CACNA1E: variants seen among roughly 807,000 people sequenced by gnomAD.
CACNA1E encodes the protein voltage-dependent R-type calcium channel subunit alpha-1E.
Under a neutral mutation model 259.2 loss-of-function variants are expected in CACNA1E, and 40 were observed. That is an observed-to-expected ratio of 0.15 (90% CI 0.12 to 0.20). The LOEUF is 0.20. Ranked by LOEUF, CACNA1E falls within the 10% of genes least tolerant of loss-of-function variation. The pLI, the probability that CACNA1E is intolerant of heterozygous loss-of-function variation, is 1.00. For missense variants in CACNA1E, 1,874 were observed against 3,040.1 expected, an observed-to-expected ratio of 0.62 and a Z score of 9.02; for synonymous variants, 1,104 against 1,138.5, an observed-to-expected ratio of 0.97 and a Z score of 0.61.
At position 181,802,383 on chromosome 1, in the gene CACNA1E, C is replaced by T. The variant is rs1662339104; in HGVS notation, c.*3549C>T. 1 of 152,190 alleles carries T rather than the reference C, an allele frequency of 6.6e-6. No individual in the cohort carries two copies. The highest frequency in any genetic ancestry group is 6.5e-5 in the Admixed American group (1 of 15,278). 9.4% of individuals were successfully genotyped at this position (152,190 alleles called of 1,614,324 possible). ...GACTCTGGGGCCACAAAGAGAAGGC[C>T]CCATAATCCACCTCTCAGCCAGTAT... On this transcript the variant is annotated 3_prime_UTR_variant, in exon 48 of 48. Transcript: ENST00000367573.
Position 181,781,512 on chromosome 1 carries a change from G to A in CACNA1E, c.5353G>A (p.Val1785Met). The A allele has an allele frequency of 6.4e-7, 1 of 1,560,060 alleles. No homozygotes were observed. The change falls in exon 39 of 48, where the codon GTG (valine) becomes ATG (methionine). Residue 1785 changes from valine to methionine, a missense_variant. Physicochemically the swap from Val to Met is conservative, Grantham distance 21. Coordinates refer to ENST00000367573, the MANE Select transcript of CACNA1E (RefSeq NM_001205293.3). The stretch of plus-strand genomic sequence containing the variant: ...CCTCGGCAAGAGATGTCCCTCCAAA[G>A]TGGCATATAAGGTAGACCACCCCTT... Reference protein sequence around the residue: ...LGLGKRCPSKVAYKRLVLMNM... With the variant: ...LGLGKRCPSKMAYKRLVLMNM...
chr1:181,799,505 G>GAGAC lies in CACNA1E; in HGVS notation c.*675_*678dup, dbSNP rs1225780910. ...TAGCCCGGCAGCCCCTACCATGAGG[G>GAGAC]AGACAGAGAAACAGAACTGGTGGTG... On this transcript the variant is annotated 3_prime_UTR_variant, in exon 48 of 48. Transcript: ENST00000367573. 1 of 152,838 alleles carries GAGAC rather than the reference G, an allele frequency of 6.5e-6. No individual in the cohort carries two copies. Among genetic ancestry groups the GAGAC allele is most frequent in the African/African-American group, 2.4e-5 (1 of 41,460 alleles). 9.5% of individuals were successfully genotyped at this position (152,838 alleles called of 1,614,324 possible).
chr1:181,805,726 A>G lies in CACNA1E; in HGVS notation c.*6892A>G, dbSNP rs1347746986. 1 of 152,202 alleles carries G rather than the reference A, an allele frequency of 6.6e-6. No homozygotes were observed. The highest frequency in any genetic ancestry group is 1.5e-5 in the Non-Finnish European group (1 of 68,038). The allele number at this position is 152,202 out of a possible 1,614,324, so 9.4% of individuals were successfully genotyped here. A position where few individuals can be genotyped will look rare whatever the true frequency, so the allele number is the denominator to read the frequency against. On this transcript the variant is annotated 3_prime_UTR_variant, in exon 48 of 48. Transcript: ENST00000367573. ...TTGCAGAGGAACTTGCCTCTTCGTG[A>G]TATTAGAGGGCAGTCCAACTCCGCT...
intron 6 of CACNA1E, among the ~76,000 whole-genome samples, chr1:181,613,371 G>A (rs1197461572): frequency 6.6e-6 from 1 of 152,082 alleles, no homozygotes; most frequent in Non-Finnish European, 1.5e-5. Context: ...TACTGATAAC[G>A]TAAGCTGTCC....
At position 181,711,936 on chromosome 1, in the gene CACNA1E, G is replaced by A. The variant is rs530153084; in HGVS notation, c.1171+867G>A. On this transcript the variant is annotated intron_variant, in intron 8 of 47. Coordinates refer to ENST00000367573, the MANE Select transcript of CACNA1E (RefSeq NM_001205293.3). Reference sequence around the variant, plus strand: ...GGAGGGTTTTGAGCAGAGGACTGACGTGCTGGCCGCATTGAGAATAGACCA... The same window carrying A: ...GGAGGGTTTTGAGCAGAGGACTGACATGCTGGCCGCATTGAGAATAGACCA... 3.9e-5 allele frequency among the ~76,000 whole-genome samples: 6 copies of A among 152,268 alleles called. No homozygotes were observed. In the South Asian group the frequency reaches 1.0e-3, roughly 26 times the overall value.
At chr1:181,347,845 T>C (rs1652725437) in intron 1 of CACNA1E, among the ~76,000 whole-genome samples, 1 of 152,242 alleles carries the variant, frequency 6.6e-6, no homozygotes. Flanking sequence ...TGAGAAGTGC[T>C]CTAAGACAGT....
At chr1:181,700,040 A>G (rs531713565) in intron 7 of CACNA1E, among the ~76,000 whole-genome samples, 9 of 152,270 alleles carry the variant, frequency 5.9e-5, no homozygotes, top group Admixed American at 2.6e-4. Flanking sequence ...TGATGTTGGA[A>G]GTCTCCATGG....
chr1:181,755,163 G>GCC, intron 27 of CACNA1E, 74 bp from the exon 28 acceptor site: 2 of 1,261,464 alleles, frequency 1.6e-6, no homozygotes, highest in Non-Finnish European at 1.1e-6. Flanking sequence ...TGGTGGTATG[G>GCC]CCCAGCTCGG....
chr1:181,700,402 G>C (rs1473598057), intron 7 of CACNA1E, among the ~76,000 whole-genome samples: 2 of 152,118 alleles, frequency 1.3e-5, no homozygotes, highest in Non-Finnish European at 2.9e-5. Context: ...TTCTTGTCTG[G>C]TGGCTGCCCG....
intron 2 of CACNA1E, among the ~76,000 whole-genome samples, chr1:181,416,215 G>T (rs1436154876): frequency 6.6e-6 from 1 of 152,224 alleles, no homozygotes; most frequent in East Asian, 1.9e-4. Context: ...AGGCTGTGGT[G>T]TCAGCAGGCT....
chr1:181,360,497 G>A (rs1195352479), intron 1 of CACNA1E, among the ~76,000 whole-genome samples: 1 of 152,140 alleles, frequency 6.6e-6, no homozygotes, highest in Non-Finnish European at 1.5e-5. Context: ...CAGACATAAT[G>A]GCCATATACT....
Position 181,792,964 on chromosome 1 carries a change from C to CTAATTTTTATATTGATTA in CACNA1E, c.5899-700_5899-683dup, listed in dbSNP as rs551253676. Among the ~76,000 whole-genome samples, 212 of 152,312 alleles carry CTAATTTTTATATTGATTA rather than the reference C, an allele frequency of 1.4e-3. 1 individual carries two copies. Among genetic ancestry groups the CTAATTTTTATATTGATTA allele is most frequent in the Middle Eastern group, 0.01 (3 of 294 alleles). ...CTAGTCCAAATAAAATATAAACTAT[C>CTAATTTTTATATTGATTA]TAATTTTTATATTGATTACATGTTG... is the stretch of plus-strand genomic sequence containing the variant. On this transcript the variant is annotated intron_variant, in intron 44 of 47. Transcript: ENST00000367573.
At chr1:181,708,076 T>C (rs1471737969) in intron 7 of CACNA1E, among the ~76,000 whole-genome samples, 3 of 152,158 alleles carry the variant, frequency 2.0e-5, no homozygotes, top group African/African-American at 7.2e-5. Context: ...CATTGTGCAC[T>C]AGCCTTGAAC....
intron 1 of CACNA1E, among the ~76,000 whole-genome samples, chr1:181,391,389 G>C (rs750560620): frequency 6.6e-6 from 1 of 152,198 alleles, no homozygotes; most frequent in Admixed American, 6.5e-5. Flanking sequence ...AGATTTGGTT[G>C]CATAGGTACA....
At chr1:181,429,666 T>C (rs1483016815) in intron 2 of CACNA1E, among the ~76,000 whole-genome samples, 1 of 152,228 alleles carries the variant, frequency 6.6e-6, no homozygotes, top group African/African-American at 2.4e-5. Flanking sequence ...TACTCATGTT[T>C]GTTATTAGGC....
chr1:181,724,564 T>C, intron 17 of CACNA1E, 27 bp downstream of exon 17: 1 of 1,588,570 alleles, frequency 6.3e-7, no homozygotes, highest in South Asian at 1.1e-5. Context: ...GGGGATCTGA[T>C]GTTTCTCTAG....
intron 37 of CACNA1E, among the ~76,000 whole-genome samples, chr1:181,773,024 T>C (rs1401125146): frequency 6.6e-6 from 1 of 152,210 alleles, no homozygotes; most frequent in Non-Finnish European, 1.5e-5. Flanking sequence ...CACTCTGAAA[T>C]TCCTCAGCTC....
intron 7 of CACNA1E, among the ~76,000 whole-genome samples, chr1:181,672,372 A>C (rs1648898254): frequency 6.6e-6 from 1 of 152,208 alleles, no homozygotes; most frequent in Non-Finnish European, 1.5e-5. Flanking sequence ...CAAACCTAAA[A>C]TAAAGTAACT....
intron 10 of CACNA1E, 113 bp downstream of exon 10, chr1:181,716,242 G>A: frequency 2.0e-6 from 1 of 499,850 alleles, no homozygotes; most frequent in Non-Finnish European, 3.5e-6. Context: ...CCAGAATTTA[G>A]GAATGTAATT....
Sources: allele counts gnomAD v4.1 joint callset (sites outside exome capture counted in the v4.1 genomes callset), GRCh38; gene constraint gnomAD v4.1.1; transcripts MANE v1.5; gene names NCBI Gene and HGNC (gene_info 2026-07-23, HGNC 2026-07-21).